WDFY4: variants seen among roughly 807,000 people sequenced by gnomAD.
WDFY4 encodes WDFY family member 4.
In WDFY4, 169 loss-of-function variants were observed where a neutral mutation model predicts 351.9. That is an observed-to-expected ratio of 0.48 (90% confidence interval 0.42 to 0.55). The LOEUF (loss-of-function observed/expected upper bound fraction) is 0.55. Ranked by LOEUF, WDFY4 falls within the 20% of genes least tolerant of loss-of-function variation. WDFY4 has a pLI of 0.00. For missense variants in WDFY4, 3,803 were observed against 3,935.6 expected (o/e 0.97, Z 0.90); for synonymous variants, 1,622 against 1,574.6 (o/e 1.03, Z -0.71).
At chr10:48,751,266 G>A (rs2065172851) in intron 12 of WDFY4, among the ~76,000 whole-genome samples, 1 of 152,202 alleles carries the variant, frequency 6.6e-6, no homozygotes, top group African/African-American at 2.4e-5. Context: ...TTAAAGATGA[G>A]AGTTATCTGG....
intron 59 of WDFY4, 115 bp downstream of exon 59, chr10:48,977,094 C>A: frequency 9.4e-7 from 1 of 1,064,966 alleles, no homozygotes; most frequent in Non-Finnish European, 1.2e-6. Flanking sequence ...CATTCCAGAA[C>A]GGGTACCTAC....
At chr10:48,909,551 T>A (rs1303474415) in intron 47 of WDFY4, 1 of 152,168 alleles carries the variant, frequency 6.6e-6, no homozygotes, top group African/African-American at 2.4e-5. Flanking sequence ...CACCTCCTTC[T>A]GGTGAGGGCT....
At chr10:48,735,546 A>T (rs2064628108) in intron 10 of WDFY4, among the ~76,000 whole-genome samples, 1 of 152,038 alleles carries the variant, frequency 6.6e-6, no homozygotes. Flanking sequence ...AACTTTAGTC[A>T]CCATGTTGTA....
chr10:48,840,471 AC>A (rs898006963), intron 39 of WDFY4, among the ~76,000 whole-genome samples: 1 of 149,324 alleles, frequency 6.7e-6, no homozygotes, highest in African/African-American at 2.5e-5. Flanking sequence ...ACACACACAC[AC>A]CCCCACTCTC....
In WDFY4 at chr10:48,957,205, T is replaced by C; in HGVS notation, c.8054T>C (p.Met2685Thr). 1.9e-6 allele frequency: 3 copies of C among 1,551,634 alleles called. No individual in the cohort carries two copies. The highest frequency in any genetic ancestry group is 2.6e-6 in the Non-Finnish European group (3 of 1,146,974). The change falls in exon 52 of 62, where the codon ATG (methionine) becomes ACG (threonine). Residue 2685 changes from methionine (M) to threonine (T), a missense_variant. Coordinates refer to ENST00000325239, the MANE Select transcript of WDFY4 (RefSeq NM_001394531.1). ...TGGGAGTCGGCCTCCAGAGAGAACA[T>C]GAGTGACGTCAGGGAGCTGACCCCA... ...STWESASRENMSDVRELTPEF... is the reference protein window; with the variant it reads ...STWESASRENTSDVRELTPEF...
intron 1 of WDFY4, among the ~76,000 whole-genome samples, chr10:48,685,998 T>A (rs955381839): frequency 2.0e-5 from 3 of 151,908 alleles, no homozygotes; most frequent in African/African-American, 7.2e-5. Context: ...TGAGAAGTGT[T>A]CTTGATAAGG....
chr10:48,737,084 TTA>T (rs1466176659), intron 11 of WDFY4, among the ~76,000 whole-genome samples: 4 of 152,226 alleles, frequency 2.6e-5, no homozygotes, highest in Non-Finnish European at 5.9e-5. Context: ...CTTTGTGAGT[TTA>T]TGACTTTTAA....
intron 13 of WDFY4, among the ~76,000 whole-genome samples, chr10:48,762,204 C>T (rs371077489): frequency 1.3e-5 from 2 of 152,236 alleles, no homozygotes; most frequent in Non-Finnish European, 2.9e-5. Flanking sequence ...ATTGCAAGTC[C>T]TCTGAGATCA....
At chr10:48,975,971 A>G (rs1330925300) in intron 58 of WDFY4, among the ~76,000 whole-genome samples, 2 of 152,214 alleles carry the variant, frequency 1.3e-5, no homozygotes, top group Non-Finnish European at 2.9e-5. Context: ...TATAAAACCC[A>G]TCAGGAATTG....
chr10:48,716,424 T>C (rs2063912593), intron 2 of WDFY4, among the ~76,000 whole-genome samples: 1 of 152,226 alleles, frequency 6.6e-6, no homozygotes, highest in Non-Finnish European at 1.5e-5. Flanking sequence ...TAGATAATGT[T>C]AGCAAATAAA....
chr10:48,760,226 A>G (rs1316566347), intron 12 of WDFY4, 121 bp from the exon 13 acceptor site: 3 of 842,838 alleles, frequency 3.6e-6, no homozygotes, highest in African/African-American at 3.4e-5. Context: ...AATGTCATCT[A>G]GGTAATAAGA....
chr10:48,728,135 C>T (rs929994154), intron 7 of WDFY4, among the ~76,000 whole-genome samples: 1 of 152,216 alleles, frequency 6.6e-6, no homozygotes, highest in Non-Finnish European at 1.5e-5. Context: ...CTCCAGTGGC[C>T]CCATGAGGCG....
chr10:48,791,652 C>A (rs2066685190), intron 23 of WDFY4, among the ~76,000 whole-genome samples: 1 of 152,234 alleles, frequency 6.6e-6, no homozygotes, highest in African/African-American at 2.4e-5. Context: ...CCTTGAGTAA[C>A]TTCTCACATG....
At chr10:48,891,493 A>T (rs1307454705) in intron 44 of WDFY4, among the ~76,000 whole-genome samples, 1 of 152,226 alleles carries the variant, frequency 6.6e-6, no homozygotes, top group Admixed American at 6.5e-5. Context: ...TCACTTGATC[A>T]TTGTCTTTGA....
chr10:48,805,487 C>A (rs1024539420), intron 26 of WDFY4, 66 bp downstream of exon 26: 4 of 1,500,004 alleles, frequency 2.7e-6, no homozygotes, highest in Middle Eastern at 1.8e-4. Flanking sequence ...GGAGGACAGA[C>A]CCCAGCTCTC....
chr10:48,962,099 A>G (rs1841883965), intron 53 of WDFY4, among the ~76,000 whole-genome samples: 2 of 152,216 alleles, frequency 1.3e-5, no homozygotes, highest in Non-Finnish European at 2.9e-5. Context: ...CAGAAGGGTC[A>G]GCTGTCCTGG....
intron 31 of WDFY4, among the ~76,000 whole-genome samples, chr10:48,815,661 G>T (rs141307589): frequency 1.3e-5 from 2 of 151,858 alleles, no homozygotes; most frequent in African/African-American, 4.8e-5. Context: ...GATTCATCAT[G>T]TTGGCCAGGC....
intron 47 of WDFY4, among the ~76,000 whole-genome samples, chr10:48,937,549 A>G (rs1253063083): frequency 3.3e-5 from 5 of 152,150 alleles, no homozygotes; most frequent in Non-Finnish European, 5.9e-5. Context: ...CCATATCTTC[A>G]TCTGTTAATG....
chr10:48,731,486 C>G lies in WDFY4; in HGVS notation c.1506C>G (p.Asp502Glu), dbSNP rs142005124. 7 of 1,551,672 alleles carry G rather than the reference C, an allele frequency of 4.5e-6. No individual in the cohort carries two copies. The highest frequency in any genetic ancestry group is 4.4e-6 in the Non-Finnish European group (5 of 1,147,000). The change falls in exon 9 of 62, where the codon GAC (aspartate) becomes GAG (glutamate). Residue 502 changes from aspartate (D) to glutamate (E), a missense_variant. Asp to Glu is a conservative substitution (Grantham distance 45). This residue lies in a region of WDFY4 where 261 missense variants were observed against 330.2 expected (regional missense o/e 0.79). Transcript: ENST00000325239. The part of the protein sequence containing the change: ...SIAGGDPLFT[D>E]IFRDSGLLGL... ...CTGGTGGGGACCCCCTCTTCACCGACATCTTCCGGGACTCAGGGCTCCTGG... is the reference window on the plus strand; with the variant it reads ...CTGGTGGGGACCCCCTCTTCACCGAGATCTTCCGGGACTCAGGGCTCCTGG...
Sources: gnomAD v4.1 joint callset for allele counts (sites outside exome capture counted in the v4.1 genomes callset) on GRCh38, gnomAD v4.1.1 for gene constraint, gnomAD v4.1.1 regional missense constraint, MANE v1.5 for transcripts, NCBI Gene and HGNC (gene_info 2026-07-23, HGNC 2026-07-21) for gene names.